Variants in CDH4 observed in about 807,000 individuals in gnomAD.
CDH4 encodes cadherin-4.
Under a neutral mutation model 86.0 loss-of-function variants are expected in CDH4, and 33 were observed. That is an observed-to-expected ratio of 0.38 (90% CI 0.29 to 0.51). The LOEUF (loss-of-function observed/expected upper bound fraction) is 0.51. Among genes scored for constraint, CDH4 ranks in the 20% least tolerant of loss-of-function variants. The pLI is 0.86. For synonymous variants in CDH4, 555 were observed against 549.4 expected (o/e 1.01, Z -0.14); for missense variants, 1,114 against 1,307.4 (o/e 0.85, Z 2.28).
At chr20:61,701,252 C>T (rs1365644058) in intron 2 of CDH4, among the ~76,000 whole-genome samples, 4 of 152,206 alleles carry the variant, frequency 2.6e-5, no homozygotes, top group Non-Finnish European at 5.9e-5. Flanking sequence ...ATGACCTCAT[C>T]GCAACTAATT....
chr20:61,258,340 A>AAAAAAAAAG (rs1353887398), intron 2 of CDH4, among the ~76,000 whole-genome samples: 21 of 121,764 alleles, frequency 1.7e-4, no homozygotes, highest in African/African-American at 5.9e-4. Context: ...AAAAAAAAAA[A>AAAAAAAAAG]AAAAAGAAAA....
rs777375474 is a variant in CDH4 at position 61,633,633 on chromosome 20, A to C, written c.170-109930A>C. Among the ~76,000 whole-genome samples the C allele has an allele frequency of 7.2e-4, 109 of 152,318 alleles. No homozygotes were observed. The Middle Eastern group carries it at 0.01, about 14-fold the overall frequency. The stretch of plus-strand genomic sequence containing the variant: ...GAGACCATCTATCATGGTGGTAAAA[A>C]GCATGGTTTCTGGCAGCAAGGGTGA... On this transcript the variant is annotated intron_variant, in intron 2 of 15. Transcript: ENST00000614565.
intron 4 of CDH4, among the ~76,000 whole-genome samples, chr20:61,798,731 A>C (rs1979677878): frequency 6.6e-6 from 1 of 152,220 alleles, no homozygotes; most frequent in Non-Finnish European, 1.5e-5. Context: ...TCCTTGCAGA[A>C]GAGGAGAGGG....
At chr20:61,861,759 A>G (rs959664612) in intron 6 of CDH4, among the ~76,000 whole-genome samples, 2 of 152,190 alleles carry the variant, frequency 1.3e-5, no homozygotes, top group Admixed American at 1.3e-4. Context: ...ACCATCAGGC[A>G]GGAGGGAGGA....
chr20:61,673,788 A>C (rs1224520441), intron 2 of CDH4, among the ~76,000 whole-genome samples: 2 of 152,186 alleles, frequency 1.3e-5, no homozygotes, highest in African/African-American at 4.8e-5. Context: ...AGAGCAAATA[A>C]CACGCGCAAA....
chr20:61,878,867 G>GGT (rs1946668590), intron 7 of CDH4, among the ~76,000 whole-genome samples: 1 of 152,102 alleles, frequency 6.6e-6, no homozygotes, highest in African/African-American at 2.4e-5. Context: ...ACTCGGCGGG[G>GGT]GTGTGCCGAG....
At chr20:61,771,010 CTTTTTT>C (rs756131628) in intron 3 of CDH4, among the ~76,000 whole-genome samples, 11,130 of 130,388 alleles carry the variant, frequency 0.085, 532 homozygotes, top group Non-Finnish European at 0.11. Flanking sequence ...TTCTTTTTTT[CTTTTTT>C]TTTTTTTTTT....
chr20:61,421,754 A>T (rs1395362805), intron 2 of CDH4, among the ~76,000 whole-genome samples: 1 of 152,216 alleles, frequency 6.6e-6, no homozygotes, highest in Non-Finnish European at 1.5e-5. Context: ...GGGGCAGGGC[A>T]TGTGCAGAAA....
intron 2 of CDH4, among the ~76,000 whole-genome samples, chr20:61,686,646 C>T (rs1340038285): frequency 7.5e-6 from 1 of 133,388 alleles, no homozygotes; most frequent in African/African-American, 2.9e-5. Context: ...CGTGTGCATT[C>T]GCGTGTGTGC....
At chr20:61,757,440 A>G (rs1352985555) in intron 3 of CDH4, among the ~76,000 whole-genome samples, 1 of 152,228 alleles carries the variant, frequency 6.6e-6, no homozygotes, top group East Asian at 1.9e-4. Context: ...GGCTGCAAAC[A>G]GCCTTGAACG....
At chr20:61,537,281 AT>A (rs11296437) in intron 2 of CDH4, among the ~76,000 whole-genome samples, 50,699 of 152,052 alleles carry the variant, frequency 0.33, 14,147 homozygotes, top group African/African-American at 0.76. Flanking sequence ...GAAATCCGAC[AT>A]TTTACTTATC....
chr20:61,639,601 G>T (rs1414830622), intron 2 of CDH4, among the ~76,000 whole-genome samples: 2 of 152,206 alleles, frequency 1.3e-5, no homozygotes, highest in South Asian at 4.1e-4. Flanking sequence ...CAACATTATT[G>T]TGGGGCAGAA....
chr20:61,454,007 C>T (rs2085393997), intron 2 of CDH4, among the ~76,000 whole-genome samples: 1 of 152,236 alleles, frequency 6.6e-6, no homozygotes, highest in South Asian at 2.1e-4. Flanking sequence ...TTTCCTGAGG[C>T]CTCCCCAGCC....
chr20:61,817,501 T>A (rs931102305), intron 4 of CDH4, among the ~76,000 whole-genome samples: 1 of 152,154 alleles, frequency 6.6e-6, no homozygotes, highest in African/African-American at 2.4e-5. Context: ...TCTCGCTTTT[T>A]TTTTTATTTT....
At chr20:61,720,309 A>G (rs1273705149) in intron 2 of CDH4, among the ~76,000 whole-genome samples, 2 of 152,164 alleles carry the variant, frequency 1.3e-5, no homozygotes, top group African/African-American at 4.8e-5. Flanking sequence ...TCCGGATTCC[A>G]CAGCTTGGTC....
rs568339761 is a variant in CDH4, at chr20:61,664,820, A to C, written c.170-78743A>C. Among the ~76,000 whole-genome samples, 5 of 152,246 alleles carry C rather than the reference A, an allele frequency of 3.3e-5. No individual in the cohort carries two copies. In the South Asian group the frequency reaches 1.0e-3, roughly 32 times the overall value. Reference sequence around the variant, plus strand: ...ATCAGCAGACTCCCAAGAAATCCATAATCTGTTGCTCTAATGTGGCGTCTT... The same window carrying C: ...ATCAGCAGACTCCCAAGAAATCCATCATCTGTTGCTCTAATGTGGCGTCTT... On this transcript the variant is annotated intron_variant, in intron 2 of 15. Transcript: ENST00000614565.
At chr20:61,900,606 C>T (rs990326856) in intron 8 of CDH4, among the ~76,000 whole-genome samples, 1 of 152,226 alleles carries the variant, frequency 6.6e-6, no homozygotes, top group Non-Finnish European at 1.5e-5. Context: ...AAGCCCAAGG[C>T]AGAGACACAC....
At chr20:61,882,016 G>T (rs377653881) in intron 7 of CDH4, among the ~76,000 whole-genome samples, 11 of 152,204 alleles carry the variant, frequency 7.2e-5, no homozygotes, top group African/African-American at 2.2e-4. Flanking sequence ...GCCTGGAGCC[G>T]CCAGGAGGTG....
At chr20:61,727,118 CCAT>C (rs1353408840) in intron 2 of CDH4, among the ~76,000 whole-genome samples, 1 of 151,878 alleles carries the variant, frequency 6.6e-6, no homozygotes, top group Admixed American at 6.6e-5. Context: ...ACCATCGTTG[CCAT>C]CATCATCACC....
Sources: allele counts gnomAD v4.1 joint callset (sites outside exome capture counted in the v4.1 genomes callset), GRCh38; gene constraint gnomAD v4.1.1; transcripts MANE v1.5; gene names NCBI Gene and HGNC (gene_info 2026-07-23, HGNC 2026-07-21).